CERKL: variants seen among roughly 807,000 people sequenced by gnomAD.
CERKL encodes CERK like autophagy regulator.
CERKL carries 61 observed loss-of-function variants against 63.4 expected under a neutral mutation model. The ratio of observed to expected loss-of-function variants is 0.96; its 90% CI spans 0.78 to 1.19. The LOEUF (loss-of-function observed/expected upper bound fraction) is 1.19. CERKL is among the 50% of genes most tolerant of loss of function. CERKL has a pLI of 0.00. For missense variants in CERKL, 675 were observed against 655.5 expected, an observed-to-expected ratio of 1.03 and a Z score of -0.33; for synonymous variants, 250 against 230.5, an observed-to-expected ratio of 1.08 and a Z score of -0.77.
At chr2:181,637,869 T>C (rs2165441) in intron 1 of CERKL, among the ~76,000 whole-genome samples, 93,273 of 151,958 alleles carry the variant, frequency 0.61, 30,182 homozygotes, top group South Asian at 0.8. Flanking sequence ...CTTTAAAACA[T>C]AGTAATTTGA....
chr2:181,617,496 T>C (rs1686248989), intron 1 of CERKL: 1 of 152,182 alleles, frequency 6.6e-6, no homozygotes, highest in African/African-American at 2.4e-5. Context: ...ATATAAAGTT[T>C]TGAGTAAAAT....
At position 181,582,537 on chromosome 2, in the gene CERKL, G is replaced by GTTT. The variant is rs1254376276; in HGVS notation, c.482-8656_482-8654dup. On this transcript the variant is annotated intron_variant, in intron 2 of 12. Transcript: ENST00000410087. ...TCAACATATATATATATATATATAT[G>GTTT]TTTTTTTTTTTTGAGATGGAGTCTC... Among the ~76,000 whole-genome samples the GTTT allele has an allele frequency of 5.2e-3, 613 of 118,854 alleles. 8 individuals carry two copies. The highest frequency in any genetic ancestry group is 0.02 in the African/African-American group (582 of 29,590). 78.0% of individuals were successfully genotyped at this position (118,854 alleles called of 152,430 possible).
At chr2:181,557,633 A>T (rs966845104) in intron 5 of CERKL, among the ~76,000 whole-genome samples, 11 of 152,104 alleles carry the variant, frequency 7.2e-5, no homozygotes, top group Non-Finnish European at 1.0e-4. Context: ...CCACACGGTG[A>T]GGCAAAATGA....
chr2:181,538,265 T>TTCATCAACTTATTTTG, intron 12 of CERKL, 21 bp from the exon 13 acceptor site: 1 of 1,457,600 alleles, frequency 6.9e-7, no homozygotes, highest in Non-Finnish European at 9.6e-7. Context: ...AATACATTAT[T>TTCATCAACTTATTTTG]TCATCAACTT....
At chr2:181,612,361 T>C (rs2105906317) in intron 1 of CERKL, among the ~76,000 whole-genome samples, 1 of 152,308 alleles carries the variant, frequency 6.6e-6, no homozygotes, top group East Asian at 1.9e-4. Context: ...ACATAACCAC[T>C]ATCCCAATAA....
At position 181,572,912 on chromosome 2, in the gene CERKL, C is replaced by A. The variant is rs141220721; in HGVS notation, c.613+841G>T. Among the ~76,000 whole-genome samples the A allele has an allele frequency of 8.8e-3, 1,331 of 151,700 alleles. 6 individuals are homozygous for A. The highest frequency in any genetic ancestry group is 0.071 in the Middle Eastern group (21 of 294). On this transcript the variant is annotated intron_variant, in intron 3 of 12. Coordinates refer to ENST00000410087, the MANE Select transcript of CERKL (RefSeq NM_201548.5). ...TGAGTAAAGCCACATCACTGTGAAT[C>A]CCTTCCCTAGGAATCTATAACTGGG...
At chr2:181,574,912 T>G (rs1421142772) in intron 2 of CERKL, among the ~76,000 whole-genome samples, 1 of 152,182 alleles carries the variant, frequency 6.6e-6, no homozygotes, top group African/African-American at 2.4e-5. Context: ...AGGGAGAGTT[T>G]TAGACGAGGA....
chr2:181,619,893 T>C (rs1000894083), intron 1 of CERKL, among the ~76,000 whole-genome samples: 5 of 152,182 alleles, frequency 3.3e-5, no homozygotes, highest in Admixed American at 2.0e-4. Context: ...ACTAATTAAA[T>C]GGTGGTTTTA....
At chr2:181,551,680 G>T (rs1433754518) in intron 5 of CERKL, among the ~76,000 whole-genome samples, 1 of 152,130 alleles carries the variant, frequency 6.6e-6, no homozygotes, top group African/African-American at 2.4e-5. Flanking sequence ...GGAGAAATGG[G>T]AATACTTTTA....
At position 181,585,023 on chromosome 2, in the gene CERKL, C is replaced by T. The variant is rs540277069; in HGVS notation, c.482-11139G>A. Among the ~76,000 whole-genome samples the T allele has an allele frequency of 2.9e-4, 44 of 151,844 alleles. 1 individual carries two copies. In the South Asian group the frequency reaches 4.2e-3, roughly 14 times the overall value. On this transcript the variant is annotated intron_variant, in intron 2 of 12. Transcript: ENST00000410087. Reference sequence around the variant, plus strand: ...TGTTTTCCTTCATATATCGATATGGCTCTCTTTCCCCATTACTTTCAGCTT... The same window carrying T: ...TGTTTTCCTTCATATATCGATATGGTTCTCTTTCCCCATTACTTTCAGCTT...
At chr2:181,655,681 A>G (rs1388798463) in intron 1 of CERKL, among the ~76,000 whole-genome samples, 1 of 152,250 alleles carries the variant, frequency 6.6e-6, no homozygotes, top group Non-Finnish European at 1.5e-5. Flanking sequence ...ACTTTAAGAC[A>G]GTGAGTCTAT....
chr2:181,569,077 T>G (rs1443980714), intron 3 of CERKL, among the ~76,000 whole-genome samples: 2 of 152,058 alleles, frequency 1.3e-5, no homozygotes, highest in African/African-American at 4.8e-5. Flanking sequence ...GAATAACCAT[T>G]TTCAGATACA....
chr2:181,609,522 C>G (rs1478397680), intron 1 of CERKL, among the ~76,000 whole-genome samples: 1 of 81,964 alleles, frequency 1.2e-5, no homozygotes, highest in Non-Finnish European at 2.4e-5. Context: ...ATGGTGAAAC[C>G]CTGTCTCTAC....
rs558446474 is a variant in CERKL at position 181,553,582 on chromosome 2, G to A, written c.821-3874C>T. Among the ~76,000 whole-genome samples, 21 of 152,288 alleles carry A rather than the reference G, an allele frequency of 1.4e-4. No homozygotes were observed. The South Asian group carries it at 4.1e-3, about 30-fold the overall frequency. ...TTTGAAGTATGGTGGGTATGCCCAAGTACAAAATTTTTTTAGAATGCTAGA... is the reference window on the plus strand; with the variant it reads ...TTTGAAGTATGGTGGGTATGCCCAAATACAAAATTTTTTTAGAATGCTAGA... On this transcript the variant is annotated intron_variant, in intron 5 of 12. Coordinates refer to ENST00000410087, the MANE Select transcript of CERKL (RefSeq NM_201548.5).
rs1027227536 is a variant in CERKL at position 181,604,035 on chromosome 2, G to C, written c.283C>G (p.Leu95Val). Residue 95 changes from leucine (L) to valine (V), a missense_variant, in exon 2 of 13, where the codon CTC becomes GTC. By Grantham distance (32) the Leu-to-Val change is conservative. Coordinates refer to ENST00000410087, the MANE Select transcript of CERKL (RefSeq NM_201548.5). ...AGTTTCACAGAGAATATGTCTTTGA[G>C]TTCAATAAATTCTTCTTTACATAGC... is the stretch of plus-strand genomic sequence containing the variant. ...DLLCKEEFIE[L>V]KDIFSVKLKR... 6.2e-7 allele frequency: 1 copy of C among 1,605,700 alleles called. No homozygotes were observed. Among genetic ancestry groups the C allele is most frequent in the Non-Finnish European group, 8.5e-7 (1 of 1,173,292 alleles).
chr2:181,608,716 T>C (rs1398435321), intron 1 of CERKL, among the ~76,000 whole-genome samples: 1 of 152,212 alleles, frequency 6.6e-6, no homozygotes, highest in Non-Finnish European at 1.5e-5. Flanking sequence ...ATTCTAGGCA[T>C]TCTAGTCAGT....
intron 5 of CERKL, among the ~76,000 whole-genome samples, chr2:181,557,063 T>C (rs913607417): frequency 6.6e-5 from 10 of 152,236 alleles, no homozygotes; most frequent in African/African-American, 2.2e-4. Context: ...TGTCTGTTCA[T>C]ATCCTTCGCC....
chr2:181,551,340 C>T (rs1185300888), intron 5 of CERKL, among the ~76,000 whole-genome samples: 2 of 152,090 alleles, frequency 1.3e-5, no homozygotes, highest in South Asian at 2.1e-4. Context: ...AAAACAATCC[C>T]TGCACAGCAA....
chr2:181,585,535 AG>A (rs1684725094), intron 2 of CERKL, among the ~76,000 whole-genome samples: 1 of 152,170 alleles, frequency 6.6e-6, no homozygotes, highest in South Asian at 2.1e-4. Flanking sequence ...ATCAAAGTTA[AG>A]TTTTCTGATA....
Sources: gnomAD v4.1 joint callset for allele counts (sites outside exome capture counted in the v4.1 genomes callset) on GRCh38, gnomAD v4.1.1 for gene constraint, MANE v1.5 for transcripts, NCBI Gene and HGNC (gene_info 2026-07-23, HGNC 2026-07-21) for gene names.